GRHL2: variants seen among roughly 807,000 people sequenced by gnomAD.
GRHL2 encodes grainyhead like transcription factor 2.
In GRHL2, 21 loss-of-function variants were observed where a neutral mutation model predicts 83.8. The observed-to-expected ratio is 0.25, with a 90% CI of 0.18 to 0.36. GRHL2 has a LOEUF of 0.36. Ranked by LOEUF, GRHL2 falls within the 10% of genes least tolerant of loss-of-function variation. The pLI is 1.00. For synonymous variants in GRHL2, 280 were observed against 278.9 expected (o/e 1.00, Z -0.04); for missense variants, 623 against 781.8 (o/e 0.80, Z 2.42).
In GRHL2 at chr8:101,552,746, G is replaced by T. The variant is rs1381368075; in HGVS notation, c.248G>T (p.Ser83Ile). 6.2e-7 allele frequency: 1 copy of T among 1,614,114 alleles called. No homozygotes were observed. The highest frequency in any genetic ancestry group is 2.2e-5 in the East Asian group (1 of 44,872). ...VPRDKRLLSV[S>I]KASDSQEDQE... is the part of the protein sequence containing the mutation. ...CGAGACAAGAGGCTGCTGTCTGTAA[G>T]CAAAGCAAGTGACAGCCAAGAAGAC... The change falls in exon 3 of 16, where the codon AGC becomes ATC. Residue 83 changes from serine (S) to isoleucine (I), a missense_variant. Physicochemically the swap from Ser to Ile is moderately radical, Grantham distance 142 (BLOSUM62 -2). Around this residue, in one of 8 missense-constraint regions of GRHL2, gnomAD observed 239 missense variants for 240.5 expected, o/e 0.99. Coordinates refer to ENST00000646743, the MANE Select transcript of GRHL2 (RefSeq NM_024915.4).
At chr8:101,615,587 C>T (rs983396104) in intron 8 of GRHL2, among the ~76,000 whole-genome samples, 1 of 152,186 alleles carries the variant, frequency 6.6e-6, no homozygotes, top group African/African-American at 2.4e-5. Flanking sequence ...AAACGATGAA[C>T]AACTGCATAG....
At chr8:101,493,119 A>G (rs566452880) in intron 1 of GRHL2, among the ~76,000 whole-genome samples, 1 of 152,132 alleles carries the variant, frequency 6.6e-6, no homozygotes, top group South Asian at 2.1e-4. Flanking sequence ...TGGGCGCGGG[A>G]GGCCTGCTCT....
chr8:101,588,761 T>C (rs763046347), intron 7 of GRHL2, among the ~76,000 whole-genome samples: 20 of 152,230 alleles, frequency 1.3e-4, no homozygotes, highest in Non-Finnish European at 2.4e-4. Context: ...AACTCTGAAG[T>C]ACAACTATAA....
downstream of GRHL2, among the ~76,000 whole-genome samples, chr8:101,671,731 A>C (rs1468901432): frequency 6.6e-6 from 1 of 152,218 alleles, no homozygotes; most frequent in Non-Finnish European, 1.5e-5. Flanking sequence ...GAACGGGCAG[A>C]CTGCCTCCTC....
chr8:101,493,109 T>A (rs529749239), intron 1 of GRHL2, among the ~76,000 whole-genome samples: 24 of 152,318 alleles, frequency 1.6e-4, no homozygotes, highest in Admixed American at 1.5e-3. Context: ...TTTTGGTAGA[T>A]GGGCGCGGGA....
intron 1 of GRHL2, among the ~76,000 whole-genome samples, chr8:101,519,956 C>G (rs1026418959): frequency 5.3e-5 from 8 of 152,116 alleles, no homozygotes; most frequent in African/African-American, 1.4e-4. Flanking sequence ...CCTAATAGTT[C>G]CATTAGAAGC....
chr8:101,600,456 C>T (rs1812486648), intron 8 of GRHL2, among the ~76,000 whole-genome samples: 1 of 152,280 alleles, frequency 6.6e-6, no homozygotes, highest in Non-Finnish European at 1.5e-5. Context: ...GAACATCGTG[C>T]TCCTGTGCTT....
At chr8:101,504,671 ATATTTTTTTTAGAGTATAGACTTGCTTC>A (rs1298939938) in intron 1 of GRHL2, among the ~76,000 whole-genome samples, 1 of 151,846 alleles carries the variant, frequency 6.6e-6, no homozygotes, top group African/African-American at 2.4e-5. Context: ...ATAAAAATTT[ATATTTTTTTTAGAGTATAGACTTGCTTC>A]TCCCTGGAGG....
In GRHL2 at chr8:101,556,559, A is replaced by T. The variant is rs146711385; in HGVS notation, c.285-1860A>T. Among the ~76,000 whole-genome samples the T allele has an allele frequency of 2.5e-4, 38 of 152,270 alleles. No homozygotes were observed. The East Asian group carries it at 7.1e-3, about 29-fold the overall frequency. On this transcript the variant is annotated intron_variant, in intron 3 of 15. Coordinates refer to ENST00000646743, the MANE Select transcript of GRHL2 (RefSeq NM_024915.4). ...AGACTTCTTTAGTATAGATGAAAGT[A>T]TTTTATTCTAGTCTGGCAAGAATTA...
chr8:101,671,387 C>G (rs1162214658), downstream of GRHL2, among the ~76,000 whole-genome samples: 2 of 152,194 alleles, frequency 1.3e-5, no homozygotes, highest in East Asian at 1.9e-4. Context: ...TCGGAGGGTC[C>G]TACGCGCATG....
chr8:101,525,692 G>A (rs1275899629), intron 1 of GRHL2, among the ~76,000 whole-genome samples: 1 of 152,092 alleles, frequency 6.6e-6, no homozygotes, highest in Non-Finnish European at 1.5e-5. Flanking sequence ...TAACTGGTTG[G>A]GTGTGGTGGC....
At chr8:101,534,674 G>T (rs905665717) in intron 1 of GRHL2, among the ~76,000 whole-genome samples, 2 of 151,892 alleles carry the variant, frequency 1.3e-5, no homozygotes, top group African/African-American at 4.8e-5. Context: ...CTTGGACCAG[G>T]GTGCTAGCAG....
At chr8:101,650,010 T>C (rs1321149468) in intron 14 of GRHL2, among the ~76,000 whole-genome samples, 1 of 152,244 alleles carries the variant, frequency 6.6e-6, no homozygotes, top group Admixed American at 6.5e-5. Context: ...TTACATTTTG[T>C]TTGTATGTTA....
At chr8:101,523,498 G>A (rs1441939160) in intron 1 of GRHL2, among the ~76,000 whole-genome samples, 3 of 149,750 alleles carry the variant, frequency 2.0e-5, no homozygotes, top group Admixed American at 6.6e-5. Context: ...TTTAAGGGGG[G>A]TGGGGTCTCA....
At chr8:101,586,329 T>G (rs1160184254) in intron 7 of GRHL2, among the ~76,000 whole-genome samples, 1 of 152,160 alleles carries the variant, frequency 6.6e-6, no homozygotes, top group Non-Finnish European at 1.5e-5. Flanking sequence ...TATTTTAAAA[T>G]GACAGATATC....
At chr8:101,500,508 GTA>G (rs1170661160) in intron 1 of GRHL2, among the ~76,000 whole-genome samples, 1 of 152,032 alleles carries the variant, frequency 6.6e-6, no homozygotes, top group Non-Finnish European at 1.5e-5. Flanking sequence ...TAACAAAAGT[GTA>G]TATATATATT....
intron 5 of GRHL2, among the ~76,000 whole-genome samples, chr8:101,571,229 A>G (rs1158193769): frequency 6.6e-6 from 1 of 152,184 alleles, no homozygotes. Context: ...GCAAATATTC[A>G]CAGGAAGTGG....
intron 3 of GRHL2, among the ~76,000 whole-genome samples, chr8:101,556,323 A>G (rs1042496248): frequency 6.6e-6 from 1 of 152,162 alleles, no homozygotes; most frequent in Admixed American, 6.5e-5. Flanking sequence ...CAGAAAGCAC[A>G]TGCTAGATAA....
At chr8:101,545,327 T>C (rs1047127125) in intron 2 of GRHL2, among the ~76,000 whole-genome samples, 1 of 151,538 alleles carries the variant, frequency 6.6e-6, no homozygotes, top group African/African-American at 2.4e-5. Flanking sequence ...ACTCCTGACA[T>C]AGCAAGAAGG....
Sources: gnomAD v4.1 joint callset for allele counts (sites outside exome capture counted in the v4.1 genomes callset) on GRCh38, gnomAD v4.1.1 for gene constraint, gnomAD v4.1.1 regional missense constraint, MANE v1.5 for transcripts, NCBI Gene and HGNC (gene_info 2026-07-23, HGNC 2026-07-21) for gene names.